MBNL1: variants seen among roughly 807,000 people sequenced by gnomAD.
MBNL1 encodes the protein muscleblind-like protein 1.
Under a neutral mutation model 42.2 loss-of-function variants are expected in MBNL1, and 8 were observed. That is an observed-to-expected ratio of 0.19 (90% confidence interval 0.11 to 0.34). MBNL1 has a LOEUF of 0.34. Ranked by LOEUF, MBNL1 falls within the 10% of genes least tolerant of loss-of-function variation. MBNL1 has a pLI of 1.00. For synonymous variants in MBNL1, 169 were observed against 173.9 expected, an observed-to-expected ratio of 0.97 and a Z score of 0.22; for missense variants, 309 against 495.3, an observed-to-expected ratio of 0.62 and a Z score of 3.57.
intron 2 of MBNL1, among the ~76,000 whole-genome samples, chr3:152,316,851 T>C (rs2071965499): frequency 6.6e-6 from 1 of 152,102 alleles, no homozygotes; most frequent in African/African-American, 2.4e-5. Flanking sequence ...CTTCCTCCTC[T>C]TCCTTCTTTT....
At chr3:152,391,174 G>C (rs1278672897) in intron 2 of MBNL1, among the ~76,000 whole-genome samples, 1 of 152,200 alleles carries the variant, frequency 6.6e-6, no homozygotes, top group East Asian at 1.9e-4. Context: ...ATTGGGATTT[G>C]AACCTGAATA....
chr3:152,409,129 A>G (rs1017199188), intron 2 of MBNL1, among the ~76,000 whole-genome samples: 4 of 152,228 alleles, frequency 2.6e-5, no homozygotes, highest in East Asian at 1.9e-4. Context: ...AATCAAACTC[A>G]TATCTACCAA....
At chr3:152,329,817 A>T (rs2083088903) in intron 2 of MBNL1, among the ~76,000 whole-genome samples, 1 of 150,110 alleles carries the variant, frequency 6.7e-6, no homozygotes, top group African/African-American at 2.4e-5. Flanking sequence ...AAATAAAACC[A>T]TTGTGGATAT....
At chr3:152,305,525 C>T (rs2062652801) in intron 2 of MBNL1, among the ~76,000 whole-genome samples, 1 of 150,798 alleles carries the variant, frequency 6.6e-6, no homozygotes, top group Non-Finnish European at 1.5e-5. Context: ...GTACTACATC[C>T]TGTGCTTTTA....
In MBNL1 at chr3:152,251,539, G is replaced by A. The variant is rs558646750; in HGVS notation, n.333+7099G>A. Reference sequence around the variant, plus strand: ...GTCTCCTTTTGTCTGGAACATTTCCGTATCATTTCTTTGTCTTTTATGAAA... The same window carrying A: ...GTCTCCTTTTGTCTGGAACATTTCCATATCATTTCTTTGTCTTTTATGAAA... On this transcript the variant is annotated intron_variant and non_coding_transcript_variant, in intron 2 of 2. Transcript: ENST00000477171. Among the ~76,000 whole-genome samples the A allele has an allele frequency of 1.3e-3, 205 of 152,034 alleles. 1 individual carries two copies. The Middle Eastern group carries it at 0.014, about 10-fold the overall frequency.
intron 2 of MBNL1, among the ~76,000 whole-genome samples, chr3:152,326,552 A>G (rs975285777): frequency 6.6e-5 from 10 of 152,104 alleles, no homozygotes; most frequent in African/African-American, 2.4e-4. Flanking sequence ...TTTTAATTAT[A>G]TAATTTCTGC....
intron 2 of MBNL1, among the ~76,000 whole-genome samples, chr3:152,304,956 C>A (rs770245679): frequency 1.2e-4 from 18 of 152,114 alleles, no homozygotes; most frequent in Admixed American, 4.6e-4. Context: ...CTACCTGCTG[C>A]AGTAATTCTA....
At chr3:152,430,198 C>T (rs995159138) in intron 3 of MBNL1, among the ~76,000 whole-genome samples, 15 of 152,094 alleles carry the variant, frequency 9.9e-5, no homozygotes, top group Non-Finnish European at 1.9e-4. Flanking sequence ...TTTTATTTGA[C>T]GAGATTTAGA....
chr3:152,408,703 C>T (rs1221548753), intron 2 of MBNL1, among the ~76,000 whole-genome samples: 2 of 151,832 alleles, frequency 1.3e-5, no homozygotes, highest in Non-Finnish European at 2.9e-5. Flanking sequence ...CAGCCCCCCA[C>T]TAAATTCCAT....
At chr3:152,406,373 A>G (rs928425975) in intron 2 of MBNL1, among the ~76,000 whole-genome samples, 1 of 152,234 alleles carries the variant, frequency 6.6e-6, no homozygotes, top group Admixed American at 6.5e-5. Flanking sequence ...TCAGATGACT[A>G]TCAGCTAAAA....
upstream of MBNL1, chr3:152,264,537 T>C (rs2036865701): frequency 6.6e-6 from 1 of 151,890 alleles, no homozygotes; most frequent in African/African-American, 2.4e-5. Context: ...TGAAAATGAA[T>C]GGCCTGAGAG....
intron 4 of MBNL1, among the ~76,000 whole-genome samples, chr3:152,436,592 A>G (rs2099081298): frequency 6.6e-6 from 1 of 152,208 alleles, no homozygotes; most frequent in Non-Finnish European, 1.5e-5. Context: ...GTGGGATCCA[A>G]ATAAGAAGTC....
Position 152,447,662 on chromosome 3 carries a change from G to A in MBNL1, c.850G>A (p.Ala284Thr), listed in dbSNP as rs567817002. The A allele has an allele frequency of 1.2e-6, 2 of 1,613,704 alleles. No homozygotes were observed. Among genetic ancestry groups the A allele is most frequent in the South Asian group, 2.2e-5 (2 of 91,078 alleles). Residue 284 changes from alanine to threonine, a missense_variant, in exon 6 of 10, where the codon GCT becomes ACT. Physicochemically the swap from Ala to Thr is moderately conservative, Grantham distance 58. Transcript: ENST00000324210. ...ACTTCCCCCATTACCAAAGAGGCCT[G>A]CTCTTGAAAAAACCAACGGTGCCAC... ...AVLPPLPKRP[A>T]LEKTNGATAV...
intron 2 of MBNL1, among the ~76,000 whole-genome samples, chr3:152,370,360 C>T (rs143946482): frequency 3.3e-5 from 5 of 151,898 alleles, no homozygotes; most frequent in East Asian, 1.9e-4. Context: ...CACCAGGGTC[C>T]GGGAGACTGT....
Position 152,300,133 on chromosome 3 carries a change from T to C in MBNL1, c.-61T>C, listed in dbSNP as rs775976769. 37 of 1,175,812 alleles carry C rather than the reference T, an allele frequency of 3.1e-5. No individual in the cohort carries two copies. The highest frequency in any genetic ancestry group is 4.4e-5 in the Non-Finnish European group (37 of 843,628). The allele number at this position is 1,175,812 out of a possible 1,614,324, so 72.8% of individuals were successfully genotyped here. On this transcript the variant is annotated 5_prime_UTR_variant, in exon 2 of 10. Coordinates refer to ENST00000324210, the MANE Select transcript of MBNL1 (RefSeq NM_021038.5). ...CTTTTTTTTTTTGGTTGTTGCTCTTTTTTGGGGGGGTTGGGTTTGTTGGTT... is the reference window on the plus strand; with the variant it reads ...CTTTTTTTTTTTGGTTGTTGCTCTTCTTTGGGGGGGTTGGGTTTGTTGGTT...
chr3:152,442,705 G>C (rs2099160532), intron 4 of MBNL1, among the ~76,000 whole-genome samples: 1 of 152,196 alleles, frequency 6.6e-6, no homozygotes, highest in African/African-American at 2.4e-5. Flanking sequence ...CCAAGGGATA[G>C]ATCCCATTTT....
chr3:152,326,468 G>A (rs2080163214), intron 2 of MBNL1, among the ~76,000 whole-genome samples: 1 of 151,926 alleles, frequency 6.6e-6, no homozygotes, highest in Non-Finnish European at 1.5e-5. Context: ...CATCAGACTT[G>A]GATCCAATGA....
upstream of MBNL1, chr3:152,263,416 T>C (rs1191730218): frequency 6.6e-6 from 1 of 152,222 alleles, no homozygotes; most frequent in Non-Finnish European, 1.5e-5. Flanking sequence ...CAAACAGGCA[T>C]ACCACATCTC....
intron 1 of MBNL1, among the ~76,000 whole-genome samples, chr3:152,291,974 G>C (rs2056254371): frequency 6.6e-6 from 1 of 152,150 alleles, no homozygotes; most frequent in African/African-American, 2.4e-5. Context: ...TTTCTGTAGA[G>C]ATGGGGTCTC....
Sources: gnomAD v4.1 joint callset for allele counts (sites outside exome capture counted in the v4.1 genomes callset) on GRCh38, gnomAD v4.1.1 for gene constraint, MANE v1.5 for transcripts, NCBI Gene and HGNC (gene_info 2026-07-23, HGNC 2026-07-21) for gene names.